The following NRG3 variants were observed in gnomAD, a reference collection of about 807,000 sequenced individuals.
NRG3 encodes the protein neuregulin 3, also known as pro-neuregulin-3, membrane-bound isoform.
In NRG3, 31 loss-of-function variants were observed where a neutral mutation model predicts 66.9. The ratio of observed to expected loss-of-function variants is 0.46; its 90% CI spans 0.35 to 0.63. The LOEUF is 0.63. Ranked by LOEUF, NRG3 falls within the 20% of genes least tolerant of loss-of-function variation. The pLI, the probability that NRG3 is intolerant of heterozygous loss-of-function variation, is 0.00. For missense variants in NRG3, 910 were observed against 878.9 expected (o/e 1.04, Z -0.45); for synonymous variants, 393 against 359.4 (o/e 1.09, Z -1.06).
chr10:82,760,664 T>A (rs1239429461), intron 3 of NRG3, among the ~76,000 whole-genome samples: 1 of 152,066 alleles, frequency 6.6e-6, no homozygotes, highest in Non-Finnish European at 1.5e-5. Context: ...GCTATGGTTT[T>A]ATCTACTTAG....
At chr10:82,151,860 A>G (rs2070772254) in intron 1 of NRG3, among the ~76,000 whole-genome samples, 1 of 152,208 alleles carries the variant, frequency 6.6e-6, no homozygotes, top group African/African-American at 2.4e-5. Flanking sequence ...TCACTTGTCG[A>G]GGGAGTTTGA....
At chr10:82,299,899 T>A (rs1480253588) in intron 1 of NRG3, among the ~76,000 whole-genome samples, 1 of 152,196 alleles carries the variant, frequency 6.6e-6, no homozygotes, top group Non-Finnish European at 1.5e-5. Flanking sequence ...GATCATTTTA[T>A]CCATGGGCAA....
At chr10:82,125,451 A>G (rs1045278497) in intron 1 of NRG3, among the ~76,000 whole-genome samples, 2 of 152,068 alleles carry the variant, frequency 1.3e-5, no homozygotes, top group Non-Finnish European at 2.9e-5. Flanking sequence ...AACATAAATC[A>G]TGGCTGTATA....
intron 1 of NRG3, among the ~76,000 whole-genome samples, chr10:81,906,995 G>A (rs897853915): frequency 2.0e-5 from 3 of 152,186 alleles, no homozygotes; most frequent in Non-Finnish European, 4.4e-5. Flanking sequence ...CTTTTGGAGA[G>A]AGAAGTACTA....
chr10:81,913,683 CAA>C (rs1278882748), intron 1 of NRG3, among the ~76,000 whole-genome samples: 1 of 152,120 alleles, frequency 6.6e-6, no homozygotes, highest in Non-Finnish European at 1.5e-5. Context: ...CTCAGCCTCC[CAA>C]AGTGCTGGGA....
intron 1 of NRG3, among the ~76,000 whole-genome samples, chr10:82,261,476 C>G (rs983203006): frequency 6.6e-6 from 1 of 151,950 alleles, no homozygotes; most frequent in Admixed American, 6.6e-5. Flanking sequence ...CCAGCTGGGT[C>G]GTGGAGACCT....
chr10:81,996,687 G>A (rs945933407), intron 1 of NRG3, among the ~76,000 whole-genome samples: 2 of 151,994 alleles, frequency 1.3e-5, no homozygotes, highest in Admixed American at 6.6e-5. Flanking sequence ...GGGGCTAGAG[G>A]AAGGAGGAGG....
At chr10:82,188,068 A>G (rs908647333) in intron 1 of NRG3, among the ~76,000 whole-genome samples, 1 of 152,204 alleles carries the variant, frequency 6.6e-6, no homozygotes, top group Non-Finnish European at 1.5e-5. Context: ...ATTATACTAC[A>G]GAGGTTTAGT....
Position 82,985,696 on chromosome 10 carries a change from A to C in NRG3, c.*91A>C. On this transcript the variant is annotated 3_prime_UTR_variant, in exon 9 of 9. Transcript: ENST00000372141. ...AATTATTTATATGCATTAATTTAAGAGCATCTACTTAGAAGAAACCAAATA... is the reference window on the plus strand; with the variant it reads ...AATTATTTATATGCATTAATTTAAGCGCATCTACTTAGAAGAAACCAAATA... 2 of 1,382,766 alleles carry C rather than the reference A, an allele frequency of 1.4e-6. No homozygotes were observed. The highest frequency in any genetic ancestry group is 2.8e-5 in the South Asian group (2 of 72,202). The allele number at this position is 1,382,766 out of a possible 1,614,324, so 85.7% of individuals were successfully genotyped here.
intron 1 of NRG3, among the ~76,000 whole-genome samples, chr10:82,051,747 A>G (rs1386001492): frequency 1.3e-5 from 2 of 152,316 alleles, no homozygotes; most frequent in South Asian, 2.1e-4. Flanking sequence ...TTTGCTTGTC[A>G]TAATGAGAGG....
intron 1 of NRG3, among the ~76,000 whole-genome samples, chr10:82,212,773 A>G (rs769999925): frequency 2.6e-5 from 4 of 152,252 alleles, no homozygotes; most frequent in African/African-American, 4.8e-5. Context: ...TCTATTTAGT[A>G]TACATTTTCA....
intron 4 of NRG3, among the ~76,000 whole-genome samples, chr10:82,946,267 G>A (rs1331045414): frequency 1.3e-5 from 2 of 151,136 alleles, no homozygotes; most frequent in Non-Finnish European, 2.9e-5. Context: ...AAGGCGTGGA[G>A]CATTGGCTCG....
At chr10:81,987,339 C>T (rs2060566218) in intron 1 of NRG3, among the ~76,000 whole-genome samples, 1 of 152,226 alleles carries the variant, frequency 6.6e-6, no homozygotes, top group African/African-American at 2.4e-5. Flanking sequence ...CCTGCTTCAG[C>T]CTCCCAAAGT....
chr10:82,665,866 C>T (rs2052732669), intron 2 of NRG3, among the ~76,000 whole-genome samples: 2 of 152,046 alleles, frequency 1.3e-5, no homozygotes, highest in African/African-American at 4.8e-5. Flanking sequence ...CTGGCTACTA[C>T]TTCATTTTTT....
intron 1 of NRG3, among the ~76,000 whole-genome samples, chr10:81,969,622 T>C (rs2059852688): frequency 6.6e-6 from 1 of 152,228 alleles, no homozygotes; most frequent in Non-Finnish European, 1.5e-5. Flanking sequence ...GTAAGTTACC[T>C]TTCCCGTCAC....
intron 1 of NRG3, among the ~76,000 whole-genome samples, chr10:82,219,356 G>GT (rs58140631): frequency 0.11 from 16,766 of 149,916 alleles, 1,159 homozygotes; most frequent in Admixed American, 0.21. Context: ...GTCTTCTGGG[G>GT]GGCGTAGTCA....
At chr10:82,102,915 G>A (rs958006320) in intron 1 of NRG3, among the ~76,000 whole-genome samples, 1 of 151,810 alleles carries the variant, frequency 6.6e-6, no homozygotes, top group African/African-American at 2.4e-5. Flanking sequence ...TATATTATTC[G>A]ATATTTACCA....
At chr10:82,647,175 C>A (rs1343086527) in intron 2 of NRG3, among the ~76,000 whole-genome samples, 2 of 151,888 alleles carry the variant, frequency 1.3e-5, no homozygotes, top group Non-Finnish European at 2.9e-5. Flanking sequence ...CCACAACAGT[C>A]CCCAGAGTGT....
intron 4 of NRG3, among the ~76,000 whole-genome samples, chr10:82,946,709 G>A (rs1445922082): frequency 6.6e-6 from 1 of 151,998 alleles, no homozygotes; most frequent in African/African-American, 2.4e-5. Context: ...AAGTCAAATA[G>A]GAACCTAATA....
Sources: gnomAD v4.1 joint callset for allele counts (sites outside exome capture counted in the v4.1 genomes callset) on GRCh38, gnomAD v4.1.1 for gene constraint, MANE v1.5 for transcripts, NCBI Gene and HGNC (gene_info 2026-07-23, HGNC 2026-07-21) for gene names.